TMEM132D: variants seen among roughly 807,000 people sequenced by gnomAD.
The protein encoded by TMEM132D is mature OL transmembrane protein.
A neutral mutation model predicts 62.3 loss-of-function variants in TMEM132D; 21 were observed. The observed-to-expected ratio is 0.34, with a 90% CI of 0.24 to 0.49. The LOEUF is 0.49. TMEM132D is among the 20% of genes least tolerant of loss of function. TMEM132D has a pLI of 0.99. For missense variants in TMEM132D, 1,346 were observed against 1,402.8 expected (o/e 0.96, Z 0.65); for synonymous variants, 621 against 575.6 (o/e 1.08, Z -1.13).
intron 3 of TMEM132D, among the ~76,000 whole-genome samples, chr12:129,420,306 G>GTTTTTCTTTTTTTTTTTT (rs1872268027): frequency 1.8e-5 from 2 of 112,300 alleles, no homozygotes; most frequent in Admixed American, 9.6e-5. Flanking sequence ...CACGTTCTCT[G>GTTTTTCTTTTTTTTTTTT]TTTTTTTTTT....
chr12:129,347,369 C>G (rs1184789523), intron 3 of TMEM132D, among the ~76,000 whole-genome samples: 1 of 152,092 alleles, frequency 6.6e-6, no homozygotes, highest in Non-Finnish European at 1.5e-5. Flanking sequence ...ATATAGAGAC[C>G]AATGGAACAG....
At chr12:129,330,878 C>T (rs1869081363) in intron 4 of TMEM132D, among the ~76,000 whole-genome samples, 1 of 152,140 alleles carries the variant, frequency 6.6e-6, no homozygotes, top group African/African-American at 2.4e-5. Flanking sequence ...ACTTAGAGTG[C>T]AAATCAAAGG....
At position 129,073,176 on chromosome 12, in the gene TMEM132D, G is replaced by C. The variant is rs1874127984; in HGVS notation, c.*699C>G. ...GTATCCTTAGTTTACAAATAAAGAA[G>C]TACCCTGAAGGGCTCAGAGGATTTG... On this transcript the variant is annotated 3_prime_UTR_variant, in exon 9 of 9. Transcript: ENST00000422113. 6.6e-6 allele frequency: 1 copy of C among 152,224 alleles called. No homozygotes were observed. Among genetic ancestry groups the C allele is most frequent in the South Asian group, 2.1e-4 (1 of 4,828 alleles). 9.4% of individuals were successfully genotyped at this position (152,224 alleles called of 1,614,324 possible). A position where few individuals can be genotyped will look rare whatever the true frequency, so the allele number is the denominator to read the frequency against.
At chr12:129,591,020 G>A (rs1878173776) in intron 2 of TMEM132D, among the ~76,000 whole-genome samples, 1 of 152,086 alleles carries the variant, frequency 6.6e-6, no homozygotes, top group Non-Finnish European at 1.5e-5. Flanking sequence ...TGAGAGAAAA[G>A]AAAGAAAAAG....
chr12:129,333,473 C>A (rs1220508058), intron 4 of TMEM132D, among the ~76,000 whole-genome samples: 3 of 152,158 alleles, frequency 2.0e-5, no homozygotes, highest in Non-Finnish European at 4.4e-5. Context: ...ATACGGGGAA[C>A]TTTTTGTTTG....
At chr12:129,606,281 G>A (rs901121806) in intron 2 of TMEM132D, among the ~76,000 whole-genome samples, 1 of 152,084 alleles carries the variant, frequency 6.6e-6, no homozygotes, top group South Asian at 2.1e-4. Flanking sequence ...ATTGTTGATC[G>A]AGCCGGTCCA....
intron 5 of TMEM132D, among the ~76,000 whole-genome samples, chr12:129,151,298 T>G (rs1325700727): frequency 6.6e-6 from 1 of 152,184 alleles, no homozygotes; most frequent in African/African-American, 2.4e-5. Flanking sequence ...GTTATTTCAT[T>G]AAAGACATTG....
rs573737029 is a variant in TMEM132D at position 129,619,162 on chromosome 12, C to A, written c.968+80648G>T. On this transcript the variant is annotated intron_variant, in intron 2 of 8. Transcript: ENST00000422113. ...CTGGAGGGGATAATGAGGCATGTCC[C>A]ACCCCTTCTTCCATCATAGCCTAAA... Among the ~76,000 whole-genome samples, 48 of 152,246 alleles carry A rather than the reference C, an allele frequency of 3.2e-4. No individual in the cohort carries two copies. In the South Asian group the frequency reaches 4.2e-3, roughly 13 times the overall value.
intron 4 of TMEM132D, among the ~76,000 whole-genome samples, chr12:129,220,357 G>A (rs753887299): frequency 2.0e-5 from 3 of 152,170 alleles, no homozygotes; most frequent in South Asian, 2.1e-4. Context: ...CGTTGGAAAC[G>A]AAATCTCACA....
Position 129,448,332 on chromosome 12 carries a change from C to G in TMEM132D, c.1115+82727G>C, listed in dbSNP as rs374381350. Reference sequence around the variant, plus strand: ...TTATTTCATCATCCAGGTACTAAGCCTAGTACCCACTAGTTATTTTTCCTG... The same window carrying G: ...TTATTTCATCATCCAGGTACTAAGCGTAGTACCCACTAGTTATTTTTCCTG... On this transcript the variant is annotated intron_variant, in intron 3 of 8. Coordinates refer to ENST00000422113, the MANE Select transcript of TMEM132D (RefSeq NM_133448.3). Among the ~76,000 whole-genome samples, 5 of 152,228 alleles carry G rather than the reference C, an allele frequency of 3.3e-5. No homozygotes were observed. In the South Asian group the frequency reaches 1.0e-3, roughly 32 times the overall value.
At chr12:129,860,698 G>C (rs184933822) in intron 1 of TMEM132D, among the ~76,000 whole-genome samples, 3 of 152,264 alleles carry the variant, frequency 2.0e-5, no homozygotes, top group Non-Finnish European at 2.9e-5. Context: ...TATATATAAA[G>C]GAAAGAGGTT....
At chr12:129,587,343 G>A (rs891558232) in intron 2 of TMEM132D, among the ~76,000 whole-genome samples, 9 of 152,126 alleles carry the variant, frequency 5.9e-5, no homozygotes, top group African/African-American at 2.2e-4. Flanking sequence ...TAAATGATGA[G>A]AAAACATGGG....
intron 1 of TMEM132D, among the ~76,000 whole-genome samples, chr12:129,835,145 T>A (rs1273368737): frequency 6.6e-6 from 1 of 151,996 alleles, no homozygotes. Context: ...CCATGGGAGA[T>A]GAGAAACAGC....
At chr12:129,189,305 A>G (rs989607892) in intron 5 of TMEM132D, among the ~76,000 whole-genome samples, 1 of 152,172 alleles carries the variant, frequency 6.6e-6, no homozygotes, top group Admixed American at 6.5e-5. Context: ...TTATAGTACC[A>G]GATGCTGCCT....
rs1339035702 is a variant in TMEM132D, at chr12:129,810,568, ACACACCCC to A, written c.79+92685_79+92692del. Among the ~76,000 whole-genome samples the A allele has an allele frequency of 3.6e-4, 12 of 33,458 alleles. No homozygotes were observed. The Admixed American group carries it at 4.4e-3, about 12-fold the overall frequency. The allele number at this position is 33,458 out of a possible 152,430, so 21.9% of individuals were successfully genotyped here. On this transcript the variant is annotated intron_variant, in intron 1 of 8. Coordinates refer to ENST00000422113, the MANE Select transcript of TMEM132D (RefSeq NM_133448.3). ...TATATACATACACACACACACACAC[ACACACCCC>A]CCCACACTCTTTAACCTGTGCCTTA...
chr12:129,248,032 ATC>A (rs1318888537), intron 4 of TMEM132D, among the ~76,000 whole-genome samples: 6 of 152,198 alleles, frequency 3.9e-5, no homozygotes, highest in African/African-American at 1.4e-4. Flanking sequence ...AGCCAAAGCT[ATC>A]ATTGTTCTCT....
intron 2 of TMEM132D, among the ~76,000 whole-genome samples, chr12:129,595,531 G>A (rs1168661363): frequency 3.9e-5 from 6 of 152,180 alleles, no homozygotes; most frequent in Admixed American, 2.6e-4. Context: ...AAAAGGGGCG[G>A]GGGATATTTC....
In TMEM132D at chr12:129,700,462, C is replaced by T; in HGVS notation, c.316G>A (p.Val106Met). The change falls in exon 2 of 9, where the codon GTG becomes ATG. Residue 106 changes from valine to methionine, a missense_variant. Coordinates refer to ENST00000422113, the MANE Select transcript of TMEM132D (RefSeq NM_133448.3). ...SYGPFSIEQV[V>M]PQDLMLPSNP... is the part of the protein sequence containing the mutation. ...GAAGGTAGCATTAAATCCTGGGGCA[C>T]CACTTGCTCGATGGAGAAAGGCCCG... 1 of 1,614,082 alleles carries T rather than the reference C, an allele frequency of 6.2e-7. No homozygotes were observed. The highest frequency in any genetic ancestry group is 8.5e-7 in the Non-Finnish European group (1 of 1,180,020).
At chr12:129,794,736 G>A (rs192635131) in intron 1 of TMEM132D, among the ~76,000 whole-genome samples, 54 of 152,154 alleles carry the variant, frequency 3.5e-4, no homozygotes, top group South Asian at 1.7e-3. Flanking sequence ...CTGTGAGTGC[G>A]ATCTTTTTTC....
Sources: gnomAD v4.1 joint callset for allele counts (sites outside exome capture counted in the v4.1 genomes callset) on GRCh38, gnomAD v4.1.1 for gene constraint, MANE v1.5 for transcripts, NCBI Gene and HGNC (gene_info 2026-07-23, HGNC 2026-07-21) for gene names.